Variants in TMEM132D observed in about 807,000 individuals in gnomAD.
TMEM132D encodes the protein transmembrane protein 132D, also known as mature OL transmembrane protein.
Under a neutral mutation model 62.3 loss-of-function variants are expected in TMEM132D, and 21 were observed. That is an observed-to-expected ratio of 0.34 (90% CI 0.24 to 0.49). The LOEUF (loss-of-function observed/expected upper bound fraction) is 0.49, where lower values mean the gene tolerates loss of function less well. Among genes scored for constraint, TMEM132D ranks in the 20% least tolerant of loss-of-function variants. TMEM132D has a pLI of 0.99. For missense variants in TMEM132D, 1,346 were observed against 1,402.8 expected (o/e 0.96, Z 0.65); for synonymous variants, 621 against 575.6 (o/e 1.08, Z -1.13).
At chr12:129,664,107 G>A (rs1880313154) in intron 2 of TMEM132D, among the ~76,000 whole-genome samples, 1 of 152,114 alleles carries the variant, frequency 6.6e-6, no homozygotes, top group Admixed American at 6.5e-5. Context: ...ATAGAGAGAA[G>A]TTTGCTAACT....
At chr12:129,685,848 A>T (rs1013319178) in intron 2 of TMEM132D, among the ~76,000 whole-genome samples, 1 of 152,208 alleles carries the variant, frequency 6.6e-6, no homozygotes, top group African/African-American at 2.4e-5. Context: ...TGGATGTAAG[A>T]CATGGAGTCA....
chr12:129,136,077 T>G (rs1876548400), intron 5 of TMEM132D, among the ~76,000 whole-genome samples: 1 of 152,158 alleles, frequency 6.6e-6, no homozygotes, highest in South Asian at 2.1e-4. Flanking sequence ...CAAAACTCCC[T>G]CAGAGTACCT....
intron 3 of TMEM132D, among the ~76,000 whole-genome samples, chr12:129,509,893 C>T (rs1875447480): frequency 6.6e-6 from 1 of 152,124 alleles, no homozygotes; most frequent in Non-Finnish European, 1.5e-5. Flanking sequence ...AGGTTGCTTC[C>T]AAATCCTGGC....
In TMEM132D at chr12:129,163,898, C is replaced by A. The variant is rs563612684; in HGVS notation, c.1443+45622G>T. 3.3e-5 allele frequency among the ~76,000 whole-genome samples: 5 copies of A among 152,348 alleles called. No individual in the cohort carries two copies. The East Asian group carries it at 7.7e-4, about 24-fold the overall frequency. On this transcript the variant is annotated intron_variant, in intron 5 of 8. Coordinates refer to ENST00000422113, the MANE Select transcript of TMEM132D (RefSeq NM_133448.3). The stretch of plus-strand genomic sequence containing the variant: ...CCTTCATCCTCCTCACCTGGAATTG[C>A]AATCTACTCCCTGGGAAGAGAAACA...
intron 1 of TMEM132D, among the ~76,000 whole-genome samples, chr12:129,890,986 G>A (rs1740071296): frequency 6.6e-6 from 1 of 152,118 alleles, no homozygotes; most frequent in African/African-American, 2.4e-5. Flanking sequence ...CACCGAATCA[G>A]GGAACTCTCA....
At chr12:129,464,384 T>C (rs1331273754) in intron 3 of TMEM132D, among the ~76,000 whole-genome samples, 1 of 152,194 alleles carries the variant, frequency 6.6e-6, no homozygotes, top group Admixed American at 6.5e-5. Context: ...CTTTGTCAGA[T>C]GAGTAGGTTG....
intron 2 of TMEM132D, among the ~76,000 whole-genome samples, chr12:129,571,441 G>A (rs541177776): frequency 1.7e-4 from 26 of 152,154 alleles, no homozygotes; most frequent in African/African-American, 5.8e-4. Context: ...CCGTGGTGGC[G>A]CACGTCTACA....
chr12:129,146,071 C>T (rs1876885026), intron 5 of TMEM132D, among the ~76,000 whole-genome samples: 1 of 116,506 alleles, frequency 8.6e-6, no homozygotes, highest in South Asian at 3.3e-4. Context: ...ACCTCCCATA[C>T]TGATCTTTTT....
chr12:129,492,446 C>T (rs1393071457), intron 3 of TMEM132D, among the ~76,000 whole-genome samples: 1 of 152,174 alleles, frequency 6.6e-6, no homozygotes, highest in South Asian at 2.1e-4. Context: ...TCTCATTAGA[C>T]ATCAGATCAT....
intron 2 of TMEM132D, among the ~76,000 whole-genome samples, chr12:129,667,581 C>A (rs1248977091): frequency 6.6e-6 from 1 of 152,038 alleles, no homozygotes; most frequent in Non-Finnish European, 1.5e-5. Flanking sequence ...GTGTTTTAAA[C>A]CTTTAATATT....
At chr12:129,568,336 C>G (rs146393768) in intron 2 of TMEM132D, among the ~76,000 whole-genome samples, 21 of 152,330 alleles carry the variant, frequency 1.4e-4, no homozygotes, top group African/African-American at 5.1e-4. Context: ...CCTGTCACCC[C>G]CTGGTCCATA....
intron 2 of TMEM132D, among the ~76,000 whole-genome samples, chr12:129,537,280 A>G (rs1044692881): frequency 1.6e-4 from 25 of 152,334 alleles, no homozygotes; most frequent in African/African-American, 5.8e-4. Context: ...ATGAAAATGC[A>G]CATTTTAAAC....
intron 2 of TMEM132D, among the ~76,000 whole-genome samples, chr12:129,697,638 C>T (rs1425773508): frequency 6.6e-6 from 1 of 152,160 alleles, no homozygotes; most frequent in East Asian, 1.9e-4. Flanking sequence ...AACAAATATA[C>T]TTTTGCTGTA....
At chr12:129,443,275 C>G (rs940951219) in intron 3 of TMEM132D, among the ~76,000 whole-genome samples, 8 of 152,202 alleles carry the variant, frequency 5.3e-5, no homozygotes, top group African/African-American at 1.9e-4. Context: ...TGTCTTTCAG[C>G]AATGAGATTC....
chr12:129,606,560 C>A (rs1366691741), intron 2 of TMEM132D, among the ~76,000 whole-genome samples: 1 of 152,106 alleles, frequency 6.6e-6, no homozygotes, highest in Admixed American at 6.6e-5. Context: ...CCAGGCTGGA[C>A]AAGATGAACC....
At chr12:129,797,409 C>A (rs1487720222) in intron 1 of TMEM132D, among the ~76,000 whole-genome samples, 1 of 152,196 alleles carries the variant, frequency 6.6e-6, no homozygotes, top group Non-Finnish European at 1.5e-5. Context: ...ATATTCCCTG[C>A]ACAGGAACAC....
intron 4 of TMEM132D, among the ~76,000 whole-genome samples, chr12:129,331,856 C>T (rs189500569): frequency 3.2e-4 from 49 of 152,294 alleles, no homozygotes; most frequent in Admixed American, 2.6e-3. Flanking sequence ...CTTTGAGAAA[C>T]GGAGACCTTT....
At chr12:129,089,071 A>C (rs1281059031) in intron 5 of TMEM132D, among the ~76,000 whole-genome samples, 1 of 32,910 alleles carries the variant, frequency 3.0e-5, no homozygotes, top group Non-Finnish European at 4.6e-5. Context: ...GGTGTCCTCT[A>C]TGACCGGGAT....
rs187663592 is a variant in TMEM132D, at chr12:129,694,923, G to T, written c.968+4887C>A. Among the ~76,000 whole-genome samples the T allele has an allele frequency of 2.4e-3, 372 of 152,276 alleles. 3 individuals are homozygous for T. Among genetic ancestry groups the T allele is most frequent in the African/African-American group, 8.6e-3 (359 of 41,554 alleles). On this transcript the variant is annotated intron_variant, in intron 2 of 8. Coordinates refer to ENST00000422113, the MANE Select transcript of TMEM132D (RefSeq NM_133448.3). ...CTTTGGAGGCTGGGGCAGGAGAATC[G>T]CTTGAACCTGGGAGGCAGAGGTTGC...
Sources: gnomAD v4.1 joint callset for allele counts (sites outside exome capture counted in the v4.1 genomes callset) on GRCh38, gnomAD v4.1.1 for gene constraint, MANE v1.5 for transcripts, NCBI Gene and HGNC (gene_info 2026-07-23, HGNC 2026-07-21) for gene names.